Variants in HTR1E observed in about 807,000 individuals in gnomAD.
HTR1E encodes the protein 5-HT-1E.
Under a neutral mutation model 3.4 loss-of-function variants are expected in HTR1E, and 3 were observed. That is an observed-to-expected ratio of 0.89 (90% CI 0.41 to 2.31). The LOEUF (loss-of-function observed/expected upper bound fraction) is 2.31, where lower values mean the gene tolerates loss of function less well. Among genes scored for constraint, HTR1E ranks in the 30% most tolerant of loss-of-function variants. The pLI is 0.05. For synonymous variants in HTR1E, 170 were observed against 182.8 expected (o/e 0.93, Z 0.56); for missense variants, 392 against 467.0 (o/e 0.84, Z 1.48).
chr6:86,939,470 G>A (rs182994228), intron 1 of HTR1E, among the ~76,000 whole-genome samples: 5 of 152,272 alleles, frequency 3.3e-5, no homozygotes, highest in African/African-American at 9.6e-5. Context: ...CCTGACATGG[G>A]CTGCAGAAGC....
chr6:86,946,219 C>T (rs1174966240), intron 1 of HTR1E, among the ~76,000 whole-genome samples: 1 of 152,122 alleles, frequency 6.6e-6, no homozygotes, highest in Non-Finnish European at 1.5e-5. Context: ...CTCACTGACT[C>T]ACCCAGAGCA....
At chr6:86,997,176 T>A (rs146755190) in intron 1 of HTR1E, among the ~76,000 whole-genome samples, 1,708 of 152,064 alleles carry the variant, frequency 0.011, 33 homozygotes, top group African/African-American at 0.038. Flanking sequence ...ATAAAAGTAG[T>A]AGTAGAGGAA....
intron 1 of HTR1E, among the ~76,000 whole-genome samples, chr6:86,956,168 A>G (rs2127819192): frequency 6.6e-6 from 1 of 152,308 alleles, no homozygotes; most frequent in East Asian, 1.9e-4. Context: ...TATTTCTTTG[A>G]TGTATTTTAA....
intron 1 of HTR1E, among the ~76,000 whole-genome samples, chr6:87,014,095 C>T (rs1478055899): frequency 6.6e-6 from 1 of 152,028 alleles, no homozygotes; most frequent in Non-Finnish European, 1.5e-5. Context: ...GAACACCACA[C>T]ACCCGGGCCT....
intron 1 of HTR1E, among the ~76,000 whole-genome samples, chr6:86,988,088 G>A (rs1489576733): frequency 6.6e-6 from 1 of 152,166 alleles, no homozygotes; most frequent in Non-Finnish European, 1.5e-5. Flanking sequence ...AGAAGGTAAA[G>A]AGACACAGAA....
intron 1 of HTR1E, among the ~76,000 whole-genome samples, chr6:86,944,923 A>G: frequency 6.8e-6 from 1 of 147,726 alleles, no homozygotes; most frequent in South Asian, 2.1e-4. Flanking sequence ...ACAATTATGT[A>G]TAGTATATAA....
intron 1 of HTR1E, among the ~76,000 whole-genome samples, chr6:86,980,269 C>T (rs535299915): frequency 6.6e-6 from 1 of 152,040 alleles, no homozygotes; most frequent in African/African-American, 2.4e-5. Context: ...CGCCTGTAGT[C>T]CCAGCTACTC....
chr6:86,995,445 C>T (rs1480648108), intron 1 of HTR1E, among the ~76,000 whole-genome samples: 1 of 151,488 alleles, frequency 6.6e-6, no homozygotes, highest in Non-Finnish European at 1.5e-5. Context: ...GTGGGCGGAT[C>T]ACCTGAGGTC....
At chr6:86,989,749 A>C (rs1419468113) in intron 1 of HTR1E, among the ~76,000 whole-genome samples, 1 of 152,184 alleles carries the variant, frequency 6.6e-6, no homozygotes, top group Non-Finnish European at 1.5e-5. Context: ...ACAGATAGGG[A>C]AACAGAGACC....
intron 1 of HTR1E, among the ~76,000 whole-genome samples, chr6:86,977,385 A>G (rs1294281821): frequency 6.6e-6 from 1 of 152,204 alleles, no homozygotes; most frequent in African/African-American, 2.4e-5. Context: ...TTATGGTTGC[A>G]TAGTATTCCC....
rs1470985387 is a variant in HTR1E at position 87,015,727 on chromosome 6, C to T, written c.393C>T (p.Ala131=). 6.2e-7 allele frequency: 1 copy of T among 1,611,428 alleles called. No homozygotes were observed. Among genetic ancestry groups the T allele is most frequent in the Non-Finnish European group, 8.5e-7 (1 of 1,178,444 alleles). Residue 131 remains alanine (A), a synonymous_variant, in exon 2 of 2, where the codon GCC becomes GCT. Coordinates refer to ENST00000305344, the MANE Select transcript of HTR1E (RefSeq NM_000865.3). ...YWAITNAIEY[A]RKRTAKRAAL... ...CCATCACCAATGCTATTGAATACGC[C>T]AGGAAGAGGACGGCCAAGAGGGCCG...
chr6:86,982,891 C>T (rs1017731446), intron 1 of HTR1E, among the ~76,000 whole-genome samples: 1 of 152,070 alleles, frequency 6.6e-6, no homozygotes, highest in Non-Finnish European at 1.5e-5. Flanking sequence ...CTAAACCATC[C>T]AGCGTGAAGT....
chr6:86,947,048 G>A (rs1234061546), intron 1 of HTR1E, among the ~76,000 whole-genome samples: 3 of 151,954 alleles, frequency 2.0e-5, no homozygotes, highest in South Asian at 2.1e-4. Flanking sequence ...CCCAGGAGGC[G>A]GAGGTTGTGG....
At chr6:86,957,289 G>C (rs1767340047) in intron 1 of HTR1E, among the ~76,000 whole-genome samples, 1 of 152,172 alleles carries the variant, frequency 6.6e-6, no homozygotes, top group Non-Finnish European at 1.5e-5. Flanking sequence ...CTTCTGAGGT[G>C]ACTACTTGAG....
At chr6:87,000,917 G>A (rs1288355057) in intron 1 of HTR1E, among the ~76,000 whole-genome samples, 1 of 152,144 alleles carries the variant, frequency 6.6e-6, no homozygotes, top group African/African-American at 2.4e-5. Flanking sequence ...TAATCTATCA[G>A]AAATAATAAC....
chr6:86,940,100 C>T (rs932609604), intron 1 of HTR1E, among the ~76,000 whole-genome samples: 23 of 152,204 alleles, frequency 1.5e-4, no homozygotes, highest in South Asian at 2.1e-4. Flanking sequence ...TTTCCTGCTG[C>T]GTGATGGGGT....
intron 1 of HTR1E, among the ~76,000 whole-genome samples, chr6:86,972,105 C>T (rs35520740): frequency 0.022 from 3,423 of 152,150 alleles, 51 homozygotes; most frequent in Middle Eastern, 0.044. Flanking sequence ...AGCAATCTTA[C>T]CTACTTTAGT....
At chr6:86,965,675 A>C (rs1767462363) in intron 1 of HTR1E, among the ~76,000 whole-genome samples, 1 of 151,896 alleles carries the variant, frequency 6.6e-6, no homozygotes. Flanking sequence ...GACACACACC[A>C]AACTTGCTAT....
In HTR1E at chr6:86,981,411, C is replaced by A. The variant is rs528988240; in HGVS notation, c.-185-33739C>A. Among the ~76,000 whole-genome samples, 21 of 152,298 alleles carry A rather than the reference C, an allele frequency of 1.4e-4. No individual in the cohort carries two copies. The South Asian group carries it at 4.4e-3, about 32-fold the overall frequency. On this transcript the variant is annotated intron_variant, in intron 1 of 1. Coordinates refer to ENST00000305344, the MANE Select transcript of HTR1E (RefSeq NM_000865.3). ...TGAACCTTAGGATTTCCGTGAATTG[C>A]ATAAATTATGCTTACCATTTCGCAG... is the stretch of plus-strand genomic sequence containing the variant.
Sources: gnomAD v4.1 joint callset for allele counts (sites outside exome capture counted in the v4.1 genomes callset) on GRCh38, gnomAD v4.1.1 for gene constraint, MANE v1.5 for transcripts, NCBI Gene and HGNC (gene_info 2026-07-23, HGNC 2026-07-21) for gene names.